The following ARHGEF7 variants were observed in gnomAD, a reference collection of about 807,000 sequenced individuals.
The protein encoded by ARHGEF7 is PAK-interacting exchange factor beta.
In ARHGEF7, 33 loss-of-function variants were observed where a neutral mutation model predicts 109.8. That is an observed-to-expected ratio of 0.30 (90% confidence interval 0.23 to 0.40). The LOEUF (loss-of-function observed/expected upper bound fraction) is 0.40. Among genes scored for constraint, ARHGEF7 ranks in the 10% least tolerant of loss-of-function variants. The pLI is 1.00. For missense variants in ARHGEF7, 938 were observed against 1,098.5 expected (o/e 0.85, Z 2.07); for synonymous variants, 458 against 424.6 (o/e 1.08, Z -0.97).
rs2092420593 is a variant in ARHGEF7 at position 111,275,430 on chromosome 13, T to C, written c.1273-102T>C. 6 of 1,264,684 alleles carry C rather than the reference T, an allele frequency of 4.7e-6. No homozygotes were observed. The Admixed American group carries it at 5.7e-5, about 12-fold the overall frequency. 78.3% of individuals were successfully genotyped at this position (1,264,684 alleles called of 1,614,324 possible). ...AAATTATCTGTCTGAAGAAGTAAGA[T>C]ATAAAGCAATAATTGTCTTAAGGAT... is the stretch of plus-strand genomic sequence containing the variant. On this transcript the variant is annotated intron_variant, in intron 11 of 21. Transcript: ENST00000646102.
chr13:111,241,223 C>T lies in ARHGEF7; in HGVS notation c.760-2649C>T, dbSNP rs556803458. On this transcript the variant is annotated intron_variant, in intron 6 of 21. Transcript: ENST00000646102. Reference sequence around the variant, plus strand: ...CTGCCTTTTCTTTGAAAACTGCCTGCGTCCTCTGGGTTCCCAGCGTTGGTG... The same window carrying T: ...CTGCCTTTTCTTTGAAAACTGCCTGTGTCCTCTGGGTTCCCAGCGTTGGTG... The T allele has an allele frequency of 5.2e-6, 8 of 1,536,034 alleles. No individual in the cohort carries two copies. The African/African-American group carries it at 6.8e-5, about 13-fold the overall frequency.
intron 19 of ARHGEF7, chr13:111,294,480 G>A: frequency 1.0e-6 from 1 of 985,344 alleles, no homozygotes; most frequent in Non-Finnish European, 1.2e-6. Context: ...AAGTTTTGAC[G>A]GTTTACCATC....
At chr13:111,216,803 T>C (rs2083207829) in intron 4 of ARHGEF7, among the ~76,000 whole-genome samples, 1 of 152,204 alleles carries the variant, frequency 6.6e-6, no homozygotes, top group South Asian at 2.1e-4. Flanking sequence ...CTCCTAGGGT[T>C]GTCAGGCTGT....
chr13:111,188,452 C>T (rs977185102), intron 2 of ARHGEF7, among the ~76,000 whole-genome samples: 2 of 152,224 alleles, frequency 1.3e-5, no homozygotes, highest in African/African-American at 4.8e-5. Flanking sequence ...AAGTGCATGT[C>T]TGTCAGAGTC....
In ARHGEF7 at chr13:111,272,917, C is replaced by G. The variant is rs1188673275; in HGVS notation, c.1074-897C>G. On this transcript the variant is annotated intron_variant, in intron 9 of 21. Transcript: ENST00000646102. This position sits in a 1 kb window ranked among gnomAD's most constrained non-coding sequence, Gnocchi z 5.2. ...AGCTGGACCCCCCACAGAAGCCTGCCCGTGTCCTCTGCCACAGCCATGGGA... is the reference window on the plus strand; with the variant it reads ...AGCTGGACCCCCCACAGAAGCCTGCGCGTGTCCTCTGCCACAGCCATGGGA... 6.6e-6 allele frequency among the ~76,000 whole-genome samples: 1 copy of G among 152,158 alleles called. No individual in the cohort carries two copies. Among genetic ancestry groups the G allele is most frequent in the African/African-American group, 2.4e-5 (1 of 41,420 alleles).
intron 2 of ARHGEF7, among the ~76,000 whole-genome samples, chr13:111,197,603 A>C (rs1736972648): frequency 1.3e-5 from 2 of 152,194 alleles, no homozygotes; most frequent in African/African-American, 2.4e-5. Context: ...CCAGGGTTGG[A>C]AGAGTGATGC....
intron 1 of ARHGEF7, among the ~76,000 whole-genome samples, chr13:111,119,703 C>T (rs183821356): frequency 1.3e-5 from 2 of 152,162 alleles, no homozygotes; most frequent in Non-Finnish European, 2.9e-5. Context: ...ATCAGCAAAT[C>T]TGATGTTGCA....
intron 1 of ARHGEF7, among the ~76,000 whole-genome samples, chr13:111,120,992 T>G (rs533891664): frequency 6.6e-6 from 1 of 152,272 alleles, no homozygotes; most frequent in South Asian, 2.1e-4. Context: ...TTCAGAAATT[T>G]ACAAACCAGA....
At chr13:111,299,041 T>C (rs961427328) in intron 19 of ARHGEF7, among the ~76,000 whole-genome samples, 2 of 152,238 alleles carry the variant, frequency 1.3e-5, no homozygotes, top group African/African-American at 2.4e-5. Flanking sequence ...CGTCATCTTA[T>C]CTTCTTATGC....
At chr13:111,142,643 C>T (rs1276322888) in intron 1 of ARHGEF7, among the ~76,000 whole-genome samples, 1 of 152,186 alleles carries the variant, frequency 6.6e-6, no homozygotes, top group Non-Finnish European at 1.5e-5. Context: ...TCTTCCTATC[C>T]TCTCACCTCT....
chr13:111,165,938 G>A (rs1266429988), intron 2 of ARHGEF7, among the ~76,000 whole-genome samples: 2 of 152,174 alleles, frequency 1.3e-5, no homozygotes, highest in Non-Finnish European at 2.9e-5. Context: ...GATTAGGGCT[G>A]GGGAGAACAA....
At chr13:111,140,915 GTGATTC>G (rs1269718033) in intron 1 of ARHGEF7, among the ~76,000 whole-genome samples, 1 of 152,124 alleles carries the variant, frequency 6.6e-6, no homozygotes, top group South Asian at 2.1e-4. Context: ...CTGGTTTCAA[GTGATTC>G]TCCTGCTTTG....
chr13:111,265,564 A>G (rs989654618), intron 8 of ARHGEF7: 31 of 456,606 alleles, frequency 6.8e-5, no homozygotes, highest in Non-Finnish European at 1.3e-4. Context: ...TGGAACCGGG[A>G]AGTCCGGGGT....
chr13:111,147,414 A>G (rs2075655291), intron 1 of ARHGEF7, among the ~76,000 whole-genome samples: 1 of 152,124 alleles, frequency 6.6e-6, no homozygotes, highest in African/African-American at 2.4e-5. Flanking sequence ...CTGTGGTTTT[A>G]ATTTGCATTT....
intron 2 of ARHGEF7, among the ~76,000 whole-genome samples, chr13:111,191,994 G>A (rs1051383932): frequency 5.3e-5 from 8 of 152,188 alleles, no homozygotes; most frequent in African/African-American, 7.2e-5. Context: ...TTAAGGAGAG[G>A]TGTTAAAGAT....
intron 18 of ARHGEF7, among the ~76,000 whole-genome samples, chr13:111,289,055 G>A (rs1021521119): frequency 9.9e-5 from 15 of 151,538 alleles, no homozygotes; most frequent in African/African-American, 3.4e-4. Context: ...TTTTGGAGAC[G>A]GAGTCTCGCT....
chr13:111,198,216 G>A (rs560297564), intron 2 of ARHGEF7, among the ~76,000 whole-genome samples: 6 of 152,206 alleles, frequency 3.9e-5, no homozygotes, highest in East Asian at 3.9e-4. Flanking sequence ...TTAACTGGCC[G>A]ACAGGTGCCT....
intron 6 of ARHGEF7, chr13:111,241,385 T>G: frequency 6.5e-7 from 1 of 1,531,384 alleles, no homozygotes; most frequent in African/African-American, 1.4e-5. Context: ...GCCAGCAACC[T>G]CCTGGCAGAG....
At chr13:111,285,059 A>C (rs2092961773) in intron 16 of ARHGEF7, among the ~76,000 whole-genome samples, 1 of 152,128 alleles carries the variant, frequency 6.6e-6, no homozygotes, top group Non-Finnish European at 1.5e-5. Context: ...TTAGATTCAG[A>C]GTTTGTTACG....
Sources: allele counts gnomAD v4.1 joint callset (sites outside exome capture counted in the v4.1 genomes callset), GRCh38; gene constraint gnomAD v4.1.1; non-coding constraint Gnocchi (gnomAD v3.1); transcripts MANE v1.5; gene names NCBI Gene and HGNC (gene_info 2026-07-23, HGNC 2026-07-21).